Variants in RECQL5 observed in about 807,000 individuals in gnomAD.
RECQL5 encodes ATP-dependent DNA helicase Q5.
A neutral mutation model predicts 103.4 loss-of-function variants in RECQL5; 88 were observed. That is an observed-to-expected ratio of 0.85 (90% CI 0.72 to 1.02). The LOEUF (loss-of-function observed/expected upper bound fraction) is 1.02. RECQL5 is among the 50% of genes least tolerant of loss of function. The pLI, the probability that RECQL5 is intolerant of heterozygous loss-of-function variation, is 0.00. For synonymous variants in RECQL5, 552 were observed against 507.9 expected (o/e 1.09, Z -1.17); for missense variants, 1,232 against 1,284.3 (o/e 0.96, Z 0.62).
At chr17:75,630,509 G>A in intron 13 of RECQL5, 110 bp downstream of exon 13, 1 of 1,191,862 alleles carries the variant, frequency 8.4e-7, no homozygotes, top group Non-Finnish European at 1.2e-6. Flanking sequence ...AGTAGGAGAG[G>A]TACAATCTGG....
rs752469432 is a variant in RECQL5 at position 75,630,844 on chromosome 17, G to GTT, written c.1586-8_1586-7insAA. 4,885 of 1,140,064 alleles carry GTT rather than the reference G, an allele frequency of 4.3e-3. 69 individuals are homozygous for GTT. The highest frequency in any genetic ancestry group is 5.3e-3 in the Non-Finnish European group (4,444 of 834,662). 70.6% of individuals were successfully genotyped at this position (1,140,064 alleles called of 1,614,324 possible). On this transcript the variant is annotated splice_region_variant and splice_polypyrimidine_tract_variant and intron_variant, in intron 11 of 19. Coordinates refer to ENST00000317905, the MANE Select transcript of RECQL5 (RefSeq NM_004259.7). ...TTCAGGGGACAGTTCTCATCTGTGG[G>GTT]GGGGGGGGGTGGTCCTTGGTCCTTT...
chr17:75,629,192 C>A lies in RECQL5; in HGVS notation c.2231G>T (p.Gly744Val), dbSNP rs1172051773. The change falls in exon 16 of 20, where the codon GGC (glycine) becomes GTC (valine). Residue 744 changes from glycine (G) to valine (V), a missense_variant. Transcript: ENST00000317905. ...SSSGGSSLAK[G>V]RASKKQQLLA... ...GAGCTGCTGTTTCTTGCTAGCCCGG[C>A]CCTTGGCAAGGGAGCTGCCCCCAGA... 6.2e-7 allele frequency: 1 copy of A among 1,613,610 alleles called. No homozygotes were observed. The highest frequency in any genetic ancestry group is 8.5e-7 in the Non-Finnish European group (1 of 1,179,994).
Position 75,640,002 on chromosome 17 carries a change from G to C in RECQL5, c.1230-8334C>G. ...CCACCCTGAGCTGTGTCAGCTGGGT[G>C]GGGACTGAGGGCCACCACTAGGTGG... On this transcript the variant is annotated intron_variant, in intron 8 of 19. Coordinates refer to ENST00000317905, the MANE Select transcript of RECQL5 (RefSeq NM_004259.7). This position sits in a 1 kb window ranked among gnomAD's most constrained non-coding sequence, Gnocchi z 4.6. 1.5e-6 allele frequency: 1 copy of C among 658,774 alleles called. No individual in the cohort carries two copies. Among genetic ancestry groups the C allele is most frequent in the Non-Finnish European group, 2.5e-6 (1 of 408,106 alleles). 40.8% of individuals were successfully genotyped at this position (658,774 alleles called of 1,614,324 possible).
At position 75,658,282 on chromosome 17, in the gene RECQL5, A is replaced by G. The variant is rs1318818680; in HGVS notation, c.1149+16T>C. The G allele has an allele frequency of 6.2e-7, 1 of 1,609,776 alleles. No homozygotes were observed. The highest frequency in any genetic ancestry group is 8.5e-7 in the Non-Finnish European group (1 of 1,177,454). On this transcript the variant is annotated intron_variant, in intron 7 of 19. Coordinates refer to ENST00000317905, the MANE Select transcript of RECQL5 (RefSeq NM_004259.7). ...GGTGGGTCAGACTGAAAGACCTTCT[A>G]CTGCCCAAGCCTTACCTGGAGTTTT...
chr17:75,666,717 A>G, intron 1 of RECQL5, 146 bp from the exon 2 acceptor site: 2 of 750,074 alleles, frequency 2.7e-6, no homozygotes, highest in Non-Finnish European at 2.1e-6. Context: ...CTGAAGGTGA[A>G]CTGCCTCAAG....
rs778399399 is a variant in RECQL5, at chr17:75,631,441, GC to G, written c.1448+8del. On this transcript the variant is annotated splice_region_variant and intron_variant, in intron 9 of 19. Transcript: ENST00000317905. ...AGCGGGTTGGAGCCCTGGCTTCTCG[GC>G]CCCTTACCTGCTGAAGTCCCCGTAG... 18 of 1,604,630 alleles carry G rather than the reference GC, an allele frequency of 1.1e-5. No individual in the cohort carries two copies. In the East Asian group the frequency reaches 1.6e-4, roughly 14 times the overall value.
chr17:75,628,626 C>T, intron 17 of RECQL5, 46 bp downstream of exon 17: 1 of 1,544,910 alleles, frequency 6.5e-7, no homozygotes, highest in South Asian at 1.2e-5. Context: ...CCTGGCCTCG[C>T]CCACAGCCCT....
At chr17:75,651,406 G>C (rs1465799965) in intron 7 of RECQL5, 141 bp from the exon 8 acceptor site, 1 of 926,138 alleles carries the variant, frequency 1.1e-6, no homozygotes, top group Non-Finnish European at 1.7e-6. Flanking sequence ...AGGATCATTT[G>C]AGGTCAGGAG....
At chr17:75,658,250 G>A in intron 7 of RECQL5, 48 bp downstream of exon 7, 1 of 1,577,204 alleles carries the variant, frequency 6.3e-7, no homozygotes, top group African/African-American at 1.3e-5. Context: ...TCACAAAACT[G>A]GAGAGTGGTG....
rs562639261 is a variant in RECQL5 at position 75,629,210 on chromosome 17, C to T, written c.2213G>A (p.Gly738Asp). 6 of 1,613,248 alleles carry T rather than the reference C, an allele frequency of 3.7e-6. No homozygotes were observed. The highest frequency in any genetic ancestry group is 1.3e-5 in the African/African-American group (1 of 75,038). Residue 738 changes from glycine to aspartate, a missense_variant, in exon 16 of 20, where the codon GGC (glycine) becomes GAC (aspartate). Gly to Asp is a moderately conservative substitution (Grantham distance 94). Transcript: ENST00000317905. Reference protein sequence around the residue: ...PEKKAKSSSGGSSLAKGRASK... With the variant: ...PEKKAKSSSGDSSLAKGRASK... ...AGCCCGGCCCTTGGCAAGGGAGCTG[C>T]CCCCAGAGGAACTTTTTGCCTTCTT... is the stretch of plus-strand genomic sequence containing the variant.
In RECQL5 at chr17:75,651,185, C is replaced by T; in HGVS notation, c.1229+1G>A. 6.2e-7 allele frequency: 1 copy of T among 1,614,160 alleles called. No individual in the cohort carries two copies. Among genetic ancestry groups the T allele is most frequent in the Non-Finnish European group, 8.5e-7 (1 of 1,180,030 alleles). Reference sequence around the variant, plus strand: ...CTCCACATATAAAATAAGTCACTTACCCCAGTTCTTCACAGAAGGTCACCA... The same window carrying T: ...CTCCACATATAAAATAAGTCACTTATCCCAGTTCTTCACAGAAGGTCACCA... On this transcript the variant is annotated splice_donor_variant, in intron 8 of 19. Transcript: ENST00000317905. LOFTEE classifies it high-confidence loss of function.
chr17:75,648,213 A>C (rs1024617104), intron 8 of RECQL5, among the ~76,000 whole-genome samples: 1 of 151,758 alleles, frequency 6.6e-6, no homozygotes, highest in Non-Finnish European at 1.5e-5. Flanking sequence ...CCCTCACACC[A>C]CACTTTACTC....
chr17:75,628,095 G>A, intron 18 of RECQL5, 123 bp downstream of exon 18: 2 of 832,806 alleles, frequency 2.4e-6, no homozygotes, highest in Admixed American at 4.1e-5. Context: ...GCCCCAGGGA[G>A]GACGGGCGTG....
rs1344046015 is a variant in RECQL5, at chr17:75,640,243, C to T, written c.1230-8575G>A. On this transcript the variant is annotated intron_variant, in intron 8 of 19. Transcript: ENST00000317905. This position sits in a 1 kb window ranked among gnomAD's most constrained non-coding sequence, Gnocchi z 4.6. The stretch of plus-strand genomic sequence containing the variant: ...TCGTGCAGGAGATGCGCGCCGTGGG[C>T]GAGAGGCTGCTGCTCAAGCTGCAGA... 38 of 1,551,190 alleles carry T rather than the reference C, an allele frequency of 2.4e-5. No homozygotes were observed. Among genetic ancestry groups the T allele is most frequent in the Non-Finnish European group, 3.0e-5 (34 of 1,146,830 alleles).
At chr17:75,660,689 G>A (rs563889113) in intron 6 of RECQL5, among the ~76,000 whole-genome samples, 2 of 152,342 alleles carry the variant, frequency 1.3e-5, no homozygotes, top group African/African-American at 4.8e-5. Context: ...AGATGTGAGT[G>A]AACAGGACTA....
intron 14 of RECQL5, 81 bp downstream of exon 14, chr17:75,630,103 C>T: frequency 1.6e-6 from 2 of 1,277,636 alleles, no homozygotes; most frequent in Non-Finnish European, 2.1e-6. Flanking sequence ...TGCCTGAGCC[C>T]AGAGAGCTGG....
At position 75,628,979 on chromosome 17, in the gene RECQL5, G is replaced by A. The variant is rs34802834; in HGVS notation, c.2444C>T (p.Ser815Leu). ...CTCCTCAGTCTGGGGAGGGGCAGGC[G>A]AATGTCCCCCGGCTCCATCTTCCTC... ...TGEEDGAGGH[S>L]PAPPQTEECL... The change falls in exon 16 of 20, where the codon TCG becomes TTG. Residue 815 changes from serine to leucine, a missense_variant. Coordinates refer to ENST00000317905, the MANE Select transcript of RECQL5 (RefSeq NM_004259.7). 2,838 of 1,564,350 alleles carry A rather than the reference G, an allele frequency of 1.8e-3. 45 individuals carry two copies. In the African/African-American group the frequency reaches 0.033, roughly 18 times the overall value.
intron 3 of RECQL5, among the ~76,000 whole-genome samples, chr17:75,663,521 T>C (rs887801435): frequency 1.3e-5 from 2 of 151,982 alleles, no homozygotes; most frequent in African/African-American, 4.8e-5. Flanking sequence ...GCACTAAAAT[T>C]TTTTGGATTT....
intron 8 of RECQL5, among the ~76,000 whole-genome samples, chr17:75,642,584 C>A (rs1347711461): frequency 6.6e-6 from 1 of 151,626 alleles, no homozygotes; most frequent in East Asian, 1.9e-4. Flanking sequence ...AAAAATTTGT[C>A]CATTCTCAGC....
Sources: gnomAD v4.1 joint callset for allele counts (sites outside exome capture counted in the v4.1 genomes callset) on GRCh38, gnomAD v4.1.1 for gene constraint, Gnocchi (gnomAD v3.1) non-coding constraint, MANE v1.5 for transcripts, NCBI Gene and HGNC (gene_info 2026-07-23, HGNC 2026-07-21) for gene names.